The following PABPC4L variants were observed in gnomAD, a reference collection of about 807,000 sequenced individuals.
The protein encoded by PABPC4L is poly(A) binding protein cytoplasmic 4 like.
For missense variants in PABPC4L, 452 were observed against 451.4 expected (o/e 1.00, Z -0.01); for synonymous variants, 169 against 164.1 (o/e 1.03, Z -0.23).
the PABPC4L span, among the ~76,000 whole-genome samples, chr4:134,162,862 G>A: frequency 6.6e-6 from 1 of 152,046 alleles, no homozygotes. Flanking sequence ...TACAGCAAAA[G>A]CAATGCTAAG....
the PABPC4L span, among the ~76,000 whole-genome samples, chr4:134,007,830 A>G: frequency 6.6e-6 from 1 of 151,780 alleles, no homozygotes; most frequent in African/African-American, 2.4e-5. Context: ...AAAGTAGAAT[A>G]ATACAAATAT....
the PABPC4L span, among the ~76,000 whole-genome samples, chr4:134,160,608 G>A: frequency 3.9e-5 from 6 of 152,140 alleles, no homozygotes; most frequent in African/African-American, 1.2e-4. Context: ...TAGATGTGGT[G>A]GCTCCTGTCT....
chr4:134,003,846 A>G, the PABPC4L span, among the ~76,000 whole-genome samples: 1 of 152,022 alleles, frequency 6.6e-6, no homozygotes. Flanking sequence ...AAAATAGGAG[A>G]TTTGAGTTCA....
chr4:134,119,755 G>T, the PABPC4L span, among the ~76,000 whole-genome samples: 5 of 151,502 alleles, frequency 3.3e-5, no homozygotes, highest in South Asian at 2.1e-4. Context: ...TCTCTCCTCT[G>T]ACTTCTGTCT....
At chr4:134,111,132 C>A in the PABPC4L span, among the ~76,000 whole-genome samples, 3 of 151,942 alleles carry the variant, frequency 2.0e-5, no homozygotes, top group East Asian at 1.9e-4. Context: ...CAAAAAGGTG[C>A]CTTGAATACT....
chr4:134,057,374 A>T, the PABPC4L span, among the ~76,000 whole-genome samples: 1 of 151,982 alleles, frequency 6.6e-6, no homozygotes, highest in Non-Finnish European at 1.5e-5. Flanking sequence ...CCATTGATAT[A>T]ATGAGGGAGT....
At chr4:134,026,092 G>C in the PABPC4L span, among the ~76,000 whole-genome samples, 1 of 152,000 alleles carries the variant, frequency 6.6e-6, no homozygotes, top group Non-Finnish European at 1.5e-5. Context: ...CTTTTGTTTT[G>C]ATTGTCTGTC....
chr4:133,980,693 C>T, the PABPC4L span, among the ~76,000 whole-genome samples: 1 of 152,028 alleles, frequency 6.6e-6, no homozygotes, highest in African/African-American at 2.4e-5. Context: ...AATCAAACTC[C>T]AATGAGTTAA....
At chr4:133,990,161 C>T in the PABPC4L span, among the ~76,000 whole-genome samples, 1 of 152,128 alleles carries the variant, frequency 6.6e-6, no homozygotes, top group Admixed American at 6.6e-5. Context: ...TATTGCACAT[C>T]ACAAACATTG....
chr4:134,178,262 A>T, the PABPC4L span, among the ~76,000 whole-genome samples: 1 of 150,842 alleles, frequency 6.6e-6, no homozygotes, highest in African/African-American at 2.4e-5. Context: ...GAGTTAGTGG[A>T]GGAGGTTCCT....
chr4:134,192,542 A>G (rs1245204761), downstream of PABPC4L, among the ~76,000 whole-genome samples: 1 of 152,152 alleles, frequency 6.6e-6, no homozygotes, highest in East Asian at 1.9e-4. Context: ...ATTATATCTC[A>G]ATCAAAAAGA....
At chr4:134,046,064 C>G in the PABPC4L span, among the ~76,000 whole-genome samples, 1 of 152,188 alleles carries the variant, frequency 6.6e-6, no homozygotes, top group African/African-American at 2.4e-5. Flanking sequence ...AAATAAGACA[C>G]AGAGACAAAG....
the PABPC4L span, among the ~76,000 whole-genome samples, chr4:134,046,220 T>C: frequency 6.6e-6 from 1 of 152,118 alleles, no homozygotes; most frequent in South Asian, 2.1e-4. Flanking sequence ...GACAGGGTGA[T>C]AGTTGGGAGA....
the PABPC4L span, among the ~76,000 whole-genome samples, chr4:134,158,279 T>C: frequency 6.6e-6 from 1 of 152,058 alleles, no homozygotes; most frequent in Non-Finnish European, 1.5e-5. Context: ...AATGTCAGAA[T>C]ATTTAACCTA....
the PABPC4L span, among the ~76,000 whole-genome samples, chr4:134,041,396 A>C: frequency 6.6e-6 from 1 of 152,284 alleles, no homozygotes; most frequent in Admixed American, 6.5e-5. Flanking sequence ...AGGCAGCCAT[A>C]AAAGAAAAGG....
chr4:134,012,805 C>T, the PABPC4L span, among the ~76,000 whole-genome samples: 1 of 152,142 alleles, frequency 6.6e-6, no homozygotes. Flanking sequence ...TCCAACCTCC[C>T]TCACTATCCC....
the PABPC4L span, among the ~76,000 whole-genome samples, chr4:134,121,541 C>A: frequency 6.6e-6 from 1 of 151,666 alleles, no homozygotes; most frequent in Non-Finnish European, 1.5e-5. Context: ...TAGAAGCTAT[C>A]AATTTCCCCA....
chr4:134,177,036 C>T, the PABPC4L span, among the ~76,000 whole-genome samples: 3,417 of 152,092 alleles, frequency 0.022, 126 homozygotes, highest in African/African-American at 0.077. Flanking sequence ...CCGCCCTTTC[C>T]GGATAGGGCT....
chr4:134,149,113 G>T, the PABPC4L span, among the ~76,000 whole-genome samples: 86 of 152,160 alleles, frequency 5.7e-4, no homozygotes, highest in African/African-American at 1.9e-3. Context: ...ATTACTGCTT[G>T]TTCCAAAGCA....
Sources: allele counts gnomAD v4.1 joint callset (sites outside exome capture counted in the v4.1 genomes callset), GRCh38; gene constraint gnomAD v4.1.1; transcripts MANE v1.5; gene names NCBI Gene and HGNC (gene_info 2026-07-23, HGNC 2026-07-21).